The following ELAVL2 variants were observed in gnomAD, a reference collection of about 807,000 sequenced individuals.
ELAVL2 encodes ELAV like RNA binding protein 2, also known as ELAV-like protein 2.
A neutral mutation model predicts 34.6 loss-of-function variants in ELAVL2; 4 were observed. The observed-to-expected ratio is 0.12, with a 90% CI of 0.06 to 0.26. The LOEUF (loss-of-function observed/expected upper bound fraction) is 0.26. Ranked by LOEUF, ELAVL2 falls within the 10% of genes least tolerant of loss-of-function variation. ELAVL2 has a pLI of 1.00. For missense variants in ELAVL2, 432 were observed against 442.8 expected (o/e 0.98, Z 0.22); for synonymous variants, 193 against 154.8 (o/e 1.25, Z -1.83).
At chr9:23,781,518 CTTTTT>C (rs34293408) in intron 1 of ELAVL2, among the ~76,000 whole-genome samples, 9 of 135,810 alleles carry the variant, frequency 6.6e-5, no homozygotes, top group Admixed American at 3.0e-4. Flanking sequence ...TTTTTCTTTC[CTTTTT>C]TTTTTTTTTT....
At chr9:23,742,219 G>C (rs1016275634) in intron 2 of ELAVL2, among the ~76,000 whole-genome samples, 2 of 152,110 alleles carry the variant, frequency 1.3e-5, no homozygotes, top group Non-Finnish European at 2.9e-5. Flanking sequence ...CAGGGCTTAC[G>C]ATTTTCTGAG....
At chr9:23,836,509 T>C in the ELAVL2 span, among the ~76,000 whole-genome samples, 1 of 152,176 alleles carries the variant, frequency 6.6e-6, no homozygotes, top group Non-Finnish European at 1.5e-5. Flanking sequence ...GATACATGTG[T>C]CTCCATATTA....
intron 1 of ELAVL2, among the ~76,000 whole-genome samples, chr9:23,808,430 A>T (rs1265115187): frequency 1.3e-5 from 2 of 152,160 alleles, no homozygotes; most frequent in Non-Finnish European, 2.9e-5. Flanking sequence ...AACAAATGAA[A>T]ATCTGCACAG....
At chr9:23,822,712 A>G (rs72706962) in intron 1 of ELAVL2, among the ~76,000 whole-genome samples, 34,836 of 152,210 alleles carry the variant, frequency 0.23, 4,332 homozygotes, top group East Asian at 0.38. Flanking sequence ...AAAGGCATCG[A>G]TTTTAGCCCT....
intron 2 of ELAVL2, among the ~76,000 whole-genome samples, chr9:23,739,251 T>C (rs1175657639): frequency 6.6e-6 from 1 of 152,142 alleles, no homozygotes; most frequent in Non-Finnish European, 1.5e-5. Context: ...TGTAGCACGC[T>C]CAGCACCACA....
At chr9:23,772,850 T>C (rs2136366797) in intron 1 of ELAVL2, among the ~76,000 whole-genome samples, 1 of 152,312 alleles carries the variant, frequency 6.6e-6, no homozygotes, top group African/African-American at 2.4e-5. Context: ...GACACAACTA[T>C]GTTTTATTTA....
At chr9:23,807,198 T>C (rs17550721) in intron 1 of ELAVL2, among the ~76,000 whole-genome samples, 21,277 of 152,184 alleles carry the variant, frequency 0.14, 1,877 homozygotes, top group Middle Eastern at 0.2. Context: ...GTAAGCTTAA[T>C]AATCTAATAA....
intron 2 of ELAVL2, among the ~76,000 whole-genome samples, chr9:23,749,537 C>CA (rs5897063): frequency 0.38 from 58,331 of 151,864 alleles, 11,998 homozygotes; most frequent in East Asian, 0.58. Context: ...AAACAGGGCA[C>CA]AAAATCCAAG....
intron 2 of ELAVL2, among the ~76,000 whole-genome samples, chr9:23,760,154 A>C (rs2054621146): frequency 1.3e-5 from 2 of 151,994 alleles, no homozygotes; most frequent in Admixed American, 1.3e-4. Flanking sequence ...GATTCACAAA[A>C]GAGTAAGATT....
intron 2 of ELAVL2, among the ~76,000 whole-genome samples, chr9:23,745,835 T>C (rs1187394395): frequency 6.6e-6 from 1 of 152,138 alleles, no homozygotes; most frequent in Non-Finnish European, 1.5e-5. Context: ...CTAAAAGCAA[T>C]GGGAGTCACC....
At chr9:23,746,371 T>C (rs1427381081) in intron 2 of ELAVL2, among the ~76,000 whole-genome samples, 1 of 152,176 alleles carries the variant, frequency 6.6e-6, no homozygotes, top group African/African-American at 2.4e-5. Flanking sequence ...AAATATTGTT[T>C]CAATGGAGTT....
chr9:23,765,863 G>A (rs982130811), intron 1 of ELAVL2, among the ~76,000 whole-genome samples: 2 of 152,062 alleles, frequency 1.3e-5, no homozygotes, highest in Non-Finnish European at 2.9e-5. Context: ...AACCCAGCAC[G>A]ATTTGAAATT....
intron 2 of ELAVL2, among the ~76,000 whole-genome samples, chr9:23,753,905 T>C (rs2052822103): frequency 6.6e-6 from 1 of 152,196 alleles, no homozygotes; most frequent in Non-Finnish European, 1.5e-5. Flanking sequence ...TTTACAAAGT[T>C]TGTGTTTTCT....
intron 3 of ELAVL2, among the ~76,000 whole-genome samples, chr9:23,712,070 T>C (rs528907552): frequency 5.9e-5 from 9 of 152,290 alleles, no homozygotes; most frequent in Non-Finnish European, 8.8e-5. Flanking sequence ...AATATGGTGC[T>C]GATAGGAGGC....
chr9:23,799,795 T>C (rs772204967), intron 1 of ELAVL2, among the ~76,000 whole-genome samples: 11 of 152,170 alleles, frequency 7.2e-5, no homozygotes, highest in Non-Finnish European at 5.9e-5. Flanking sequence ...AAGAAATCTA[T>C]TAAGAATTAG....
At chr9:23,825,667 A>G (rs536638643) in intron 1 of ELAVL2, 139 bp downstream of exon 1, 3 of 152,204 alleles carry the variant, frequency 2.0e-5, no homozygotes, top group African/African-American at 4.8e-5. Flanking sequence ...TTAAAATTAA[A>G]AAAGCAGAAC....
At chr9:23,734,395 T>A (rs1258103293) in intron 2 of ELAVL2, among the ~76,000 whole-genome samples, 1 of 152,232 alleles carries the variant, frequency 6.6e-6, no homozygotes, top group Admixed American at 6.5e-5. Flanking sequence ...AGAAATGATA[T>A]CTGAAGCTTG....
chr9:23,849,002 A>T, the ELAVL2 span, among the ~76,000 whole-genome samples: 4 of 152,166 alleles, frequency 2.6e-5, no homozygotes, highest in African/African-American at 4.8e-5. Flanking sequence ...TCCTTTTTTT[A>T]AAAGTGCAAA....
At chr9:23,774,822 G>C (rs1385754624) in intron 1 of ELAVL2, among the ~76,000 whole-genome samples, 1 of 151,946 alleles carries the variant, frequency 6.6e-6, no homozygotes, top group African/African-American at 2.4e-5. Context: ...TTACAATACA[G>C]AGAAAACAAG....
Sources: gnomAD v4.1 joint callset for allele counts (sites outside exome capture counted in the v4.1 genomes callset) on GRCh38, gnomAD v4.1.1 for gene constraint, MANE v1.5 for transcripts, NCBI Gene and HGNC (gene_info 2026-07-23, HGNC 2026-07-21) for gene names.